LINGO2: variants seen among roughly 807,000 people sequenced by gnomAD.
LINGO2 encodes the protein leucine-rich repeat and immunoglobulin-like domain-containing nogo receptor-interacting protein 2.
Under a neutral mutation model 30.6 loss-of-function variants are expected in LINGO2, and 14 were observed. The ratio of observed to expected loss-of-function variants is 0.46; its 90% CI spans 0.30 to 0.72. The LOEUF (loss-of-function observed/expected upper bound fraction) is 0.72, where lower values mean the gene tolerates loss of function less well. Ranked by LOEUF, LINGO2 falls within the 30% of genes least tolerant of loss-of-function variation. The probability of loss-of-function intolerance (pLI) is 0.07; values close to 1 mark genes in which losing one functional copy is unlikely to be tolerated. For missense variants in LINGO2, 729 were observed against 751.7 expected (o/e 0.97, Z 0.35); for synonymous variants, 317 against 288.5 (o/e 1.10, Z -1.00).
chr9:28,928,162 C>T, the LINGO2 span, among the ~76,000 whole-genome samples: 15 of 152,272 alleles, frequency 9.9e-5, no homozygotes, highest in South Asian at 2.9e-3. Context: ...TTCTGTTAAA[C>T]TTAAAAAAGT....
the LINGO2 span, among the ~76,000 whole-genome samples, chr9:28,921,879 C>T: frequency 1.3e-5 from 2 of 152,254 alleles, no homozygotes; most frequent in South Asian, 2.1e-4. Context: ...TAAAGTGAGA[C>T]TATTTTATTA....
intron 3 of LINGO2, among the ~76,000 whole-genome samples, chr9:28,340,218 A>T (rs1382086077): frequency 6.6e-6 from 1 of 152,206 alleles, no homozygotes. Context: ...CTTTGTATAC[A>T]TAAGATGGAC....
the LINGO2 span, among the ~76,000 whole-genome samples, chr9:28,731,958 G>A: frequency 6.6e-6 from 1 of 151,996 alleles, no homozygotes; most frequent in African/African-American, 2.4e-5. Context: ...AGATGTGGAG[G>A]ATGCCAATTT....
chr9:28,410,601 C>T (rs1388122486), intron 2 of LINGO2, among the ~76,000 whole-genome samples: 1 of 152,036 alleles, frequency 6.6e-6, no homozygotes, highest in Admixed American at 6.6e-5. Flanking sequence ...ACTGCTGCTT[C>T]GTGACTGCCA....
chr9:28,043,214 G>A (rs1357925603), intron 4 of LINGO2, among the ~76,000 whole-genome samples: 2 of 152,136 alleles, frequency 1.3e-5, no homozygotes, highest in Non-Finnish European at 2.9e-5. Context: ...CTGCCTGGCA[G>A]GGGAAACACT....
chr9:27,945,164 G>C (rs1823316447), downstream of LINGO2, among the ~76,000 whole-genome samples: 1 of 152,020 alleles, frequency 6.6e-6, no homozygotes, highest in African/African-American at 2.4e-5. Flanking sequence ...GATGAAGAGA[G>C]ACCCTGGAAA....
the LINGO2 span, among the ~76,000 whole-genome samples, chr9:28,994,313 G>C: frequency 6.6e-6 from 1 of 152,140 alleles, no homozygotes; most frequent in Non-Finnish European, 1.5e-5. Context: ...ACTTACAAGG[G>C]ATGTGAAGGA....
the LINGO2 span, among the ~76,000 whole-genome samples, chr9:28,822,843 T>A: frequency 7.2e-5 from 11 of 152,124 alleles, no homozygotes; most frequent in Non-Finnish European, 1.6e-4. Context: ...GAACCCTGAC[T>A]AATACATACT....
chr9:28,887,025 T>C, the LINGO2 span, among the ~76,000 whole-genome samples: 2 of 152,132 alleles, frequency 1.3e-5, no homozygotes, highest in African/African-American at 2.4e-5. Context: ...CTTAAGGTAA[T>C]GCAGAGCAGG....
At chr9:28,363,028 T>C (rs1160365713) in intron 3 of LINGO2, among the ~76,000 whole-genome samples, 2 of 152,168 alleles carry the variant, frequency 1.3e-5, no homozygotes, top group African/African-American at 2.4e-5. Context: ...CATAATCATA[T>C]AATTATTATA....
At chr9:29,204,033 T>C in the LINGO2 span, among the ~76,000 whole-genome samples, 1 of 152,188 alleles carries the variant, frequency 6.6e-6, no homozygotes, top group Non-Finnish European at 1.5e-5. Flanking sequence ...TGAATGCACA[T>C]AAAATAATGC....
chr9:28,587,406 T>C (rs1824609430), intron 1 of LINGO2, among the ~76,000 whole-genome samples: 1 of 151,992 alleles, frequency 6.6e-6, no homozygotes, highest in African/African-American at 2.4e-5. Flanking sequence ...ACCTTCCTAG[T>C]CACAGAGAGA....
chr9:28,266,181 C>G (rs1453330005), intron 4 of LINGO2, among the ~76,000 whole-genome samples: 1 of 151,902 alleles, frequency 6.6e-6, no homozygotes, highest in Non-Finnish European at 1.5e-5. Flanking sequence ...AAATGAGACA[C>G]AAAGATAACC....
At chr9:29,160,764 G>T in the LINGO2 span, among the ~76,000 whole-genome samples, 1 of 152,178 alleles carries the variant, frequency 6.6e-6, no homozygotes, top group African/African-American at 2.4e-5. Flanking sequence ...CAGATTCTTT[G>T]AAGAAAAATT....
intron 5 of LINGO2, among the ~76,000 whole-genome samples, chr9:27,981,144 G>A (rs534955304): frequency 3.3e-5 from 5 of 151,702 alleles, no homozygotes; most frequent in Non-Finnish European, 7.4e-5. Context: ...ACATCCATCT[G>A]TATTTTTCCA....
the LINGO2 span, among the ~76,000 whole-genome samples, chr9:28,895,611 A>G: frequency 2.0e-5 from 3 of 152,116 alleles, no homozygotes; most frequent in Admixed American, 6.6e-5. Flanking sequence ...AAGCGCATAC[A>G]TATTCCCATT....
chr9:28,380,018 A>T lies in LINGO2; in HGVS notation c.-278-7150T>A, dbSNP rs74978603. ...GGTTCACAAATTACAGGCCACAAAC[A>T]TCTTACTTCTTTTTATTTACAGATT... On this transcript the variant is annotated intron_variant, in intron 2 of 5. Transcript: ENST00000379992. Among the ~76,000 whole-genome samples the T allele has an allele frequency of 0.015, 2,342 of 152,180 alleles. 146 individuals are homozygous for T. In the East Asian group the frequency reaches 0.21, roughly 14 times the overall value.
At chr9:28,528,978 G>T (rs532755942) in intron 1 of LINGO2, among the ~76,000 whole-genome samples, 92 of 152,092 alleles carry the variant, frequency 6.0e-4, no homozygotes, top group African/African-American at 2.1e-3. Context: ...CAAATTATTA[G>T]CAGGAATAGT....
chr9:28,309,644 A>G (rs571358690), intron 3 of LINGO2, among the ~76,000 whole-genome samples: 4 of 152,180 alleles, frequency 2.6e-5, no homozygotes, highest in African/African-American at 9.6e-5. Flanking sequence ...TATTAAAGAA[A>G]AAATTTAAAA....
Sources: allele counts gnomAD v4.1 joint callset (sites outside exome capture counted in the v4.1 genomes callset), GRCh38; gene constraint gnomAD v4.1.1; transcripts MANE v1.5; gene names NCBI Gene and HGNC (gene_info 2026-07-23, HGNC 2026-07-21).